TIAM1: variants seen among roughly 807,000 people sequenced by gnomAD.
TIAM1 encodes the protein rho guanine nucleotide exchange factor TIAM1.
TIAM1 carries 65 observed loss-of-function variants against 163.5 expected under a neutral mutation model. The observed-to-expected ratio is 0.40, with a 90% CI of 0.33 to 0.49. The LOEUF is 0.49. Ranked by LOEUF, TIAM1 falls within the 20% of genes least tolerant of loss-of-function variation. TIAM1 has a pLI of 0.77. For synonymous variants in TIAM1, 833 were observed against 810.1 expected (o/e 1.03, Z -0.48); for missense variants, 1,789 against 2,044.7 (o/e 0.87, Z 2.41).
chr21:31,481,693 G>A (rs1347650586), intron 1 of TIAM1, among the ~76,000 whole-genome samples: 1 of 152,130 alleles, frequency 6.6e-6, no homozygotes, highest in East Asian at 1.9e-4. Flanking sequence ...AAATGTTAGA[G>A]ATGCACAGGG....
chr21:31,252,508 C>T (rs2071869274), intron 4 of TIAM1, among the ~76,000 whole-genome samples: 1 of 152,168 alleles, frequency 6.6e-6, no homozygotes, highest in Non-Finnish European at 1.5e-5. Context: ...GGCAAATTCG[C>T]GATTGAGATT....
chr21:31,494,357 C>CA (rs2046571643), intron 1 of TIAM1, among the ~76,000 whole-genome samples: 1 of 152,190 alleles, frequency 6.6e-6, no homozygotes. Flanking sequence ...AAGATCAAGA[C>CA]AAACCCTCCC....
intron 1 of TIAM1, among the ~76,000 whole-genome samples, chr21:31,464,827 A>G (rs1233709263): frequency 1.4e-5 from 2 of 138,320 alleles, no homozygotes; most frequent in East Asian, 2.2e-4. Context: ...TGGGTGATAG[A>G]GCAAGCTTCC....
chr21:31,509,130 T>C (rs2047128834), intron 1 of TIAM1, among the ~76,000 whole-genome samples: 2 of 152,072 alleles, frequency 1.3e-5, no homozygotes, highest in Non-Finnish European at 2.9e-5. Context: ...CGTGCCTCCG[T>C]GGTGGAGATT....
intron 1 of TIAM1, among the ~76,000 whole-genome samples, chr21:31,489,401 G>A (rs1305622482): frequency 1.9e-5 from 2 of 105,084 alleles, no homozygotes; most frequent in Non-Finnish European, 3.9e-5. Context: ...AGGGAGGGGA[G>A]GGGGAGGGAA....
chr21:31,141,480 G>A lies in TIAM1; in HGVS notation c.3500C>T (p.Ala1167Val). The change falls in exon 21 of 28, where the codon GCA (alanine) becomes GTA (valine). Residue 1167 changes from alanine (A) to valine (V), a missense_variant. Physicochemically the swap from Ala to Val is moderately conservative, Grantham distance 64 (BLOSUM62 0). This residue lies in a region of TIAM1 where 60 missense variants were observed against 132.6 expected (regional missense o/e 0.45). Coordinates refer to ENST00000541036, the MANE Select transcript of TIAM1 (RefSeq NM_001353694.2). The surrounding 1 kb of genome is among the most constrained non-coding windows in gnomAD (Gnocchi z 4.7). Reference sequence around the variant, plus strand: ...CTTCGGGTTCTGGGCATCCAAGAATGCCTTGAAAGCCGTGTCTGTCTTGGC... The same window carrying A: ...CTTCGGGTTCTGGGCATCCAAGAATACCTTGAAAGCCGTGTCTGTCTTGGC... ...VKAKTDTAFK[A>V]FLDAQNPKQQ... 6.2e-7 allele frequency: 1 copy of A among 1,614,142 alleles called. No individual in the cohort carries two copies. The highest frequency in any genetic ancestry group is 8.5e-7 in the Non-Finnish European group (1 of 1,180,036).
At chr21:31,200,072 C>T (rs2086114956) in intron 12 of TIAM1, among the ~76,000 whole-genome samples, 1 of 152,108 alleles carries the variant, frequency 6.6e-6, no homozygotes, top group Non-Finnish European at 1.5e-5. Flanking sequence ...TTACTTGTTT[C>T]TGCAAACTTG....
chr21:31,372,690 G>T (rs2076615936), intron 2 of TIAM1, among the ~76,000 whole-genome samples: 1 of 152,160 alleles, frequency 6.6e-6, no homozygotes, highest in Non-Finnish European at 1.5e-5. Flanking sequence ...TACAAAACTG[G>T]CTGGGTAGGT....
At chr21:31,477,571 T>C (rs1003005645) in intron 1 of TIAM1, among the ~76,000 whole-genome samples, 4 of 149,002 alleles carry the variant, frequency 2.7e-5, no homozygotes, top group African/African-American at 9.9e-5. Context: ...ACTTCCCAGG[T>C]TCAAGCAATT....
At chr21:31,536,280 T>A (rs11700615) in intron 1 of TIAM1, among the ~76,000 whole-genome samples, 20,402 of 152,276 alleles carry the variant, frequency 0.13, 1,664 homozygotes, top group Non-Finnish European at 0.18. Flanking sequence ...ATTCTATTCA[T>A]AAGTGGCTAA....
chr21:31,194,702 T>C (rs924256676), intron 13 of TIAM1, among the ~76,000 whole-genome samples: 2 of 152,234 alleles, frequency 1.3e-5, no homozygotes, highest in African/African-American at 2.4e-5. Context: ...GATTCCGGTC[T>C]ACCTGAGTCA....
chr21:31,467,671 T>A (rs923741575), intron 1 of TIAM1, among the ~76,000 whole-genome samples: 2 of 150,310 alleles, frequency 1.3e-5, no homozygotes, highest in Non-Finnish European at 3.0e-5. Context: ...AATAAATAAA[T>A]AAAATTAGCC....
In TIAM1 at chr21:31,267,985, G is replaced by C. The variant is rs181088537; in HGVS notation, c.-11-1002C>G. Among the ~76,000 whole-genome samples the C allele has an allele frequency of 2.5e-3, 384 of 152,312 alleles. 2 individuals carry two copies. Among genetic ancestry groups the C allele is most frequent in the African/African-American group, 8.9e-3 (368 of 41,560 alleles). On this transcript the variant is annotated intron_variant, in intron 3 of 27. Transcript: ENST00000541036. Reference sequence around the variant, plus strand: ...CAATTCTGTTACCCACAGTGGGAAAGAGAAAAATCTTCAAAGCTCGACAAC... The same window carrying C: ...CAATTCTGTTACCCACAGTGGGAAACAGAAAAATCTTCAAAGCTCGACAAC...
At chr21:31,513,180 T>C (rs2047269888) in intron 1 of TIAM1, among the ~76,000 whole-genome samples, 1 of 152,194 alleles carries the variant, frequency 6.6e-6, no homozygotes, top group Non-Finnish European at 1.5e-5. Context: ...GTTCCATACA[T>C]ATACACGTAC....
intron 4 of TIAM1, among the ~76,000 whole-genome samples, chr21:31,263,937 C>T (rs1252311707): frequency 6.6e-6 from 1 of 152,176 alleles, no homozygotes; most frequent in Non-Finnish European, 1.5e-5. Flanking sequence ...ATTGACAGTG[C>T]AGAAGTAGCC....
chr21:31,308,463 G>T (rs1023095571), intron 2 of TIAM1, among the ~76,000 whole-genome samples: 2 of 149,378 alleles, frequency 1.3e-5, no homozygotes, highest in Admixed American at 6.7e-5. Context: ...ACTAATATAT[G>T]GTTTATATTA....
rs372530419 is a variant in TIAM1, at chr21:31,242,128, G to A, written c.1584+3360C>T. 3.2e-4 allele frequency among the ~76,000 whole-genome samples: 48 copies of A among 152,252 alleles called. 1 individual carries two copies. In the South Asian group the frequency reaches 7.5e-3, roughly 24 times the overall value. ...AAGATTTCAAGCAACTATTTTGAAC[G>A]TATTCAAAGAACTAAAATAAACCAT... On this transcript the variant is annotated intron_variant, in intron 6 of 27. Transcript: ENST00000541036.
chr21:31,474,638 C>G (rs913588390), intron 1 of TIAM1, among the ~76,000 whole-genome samples: 9 of 151,676 alleles, frequency 5.9e-5, no homozygotes, highest in Non-Finnish European at 8.8e-5. Flanking sequence ...CTCCGCCTCC[C>G]GGGTTCAAGC....
intron 4 of TIAM1, among the ~76,000 whole-genome samples, chr21:31,255,447 C>G (rs191241961): frequency 6.6e-6 from 1 of 152,106 alleles, no homozygotes; most frequent in Non-Finnish European, 1.5e-5. Context: ...TACTCAACAC[C>G]GCTCTTTCTT....
Sources: allele counts gnomAD v4.1 joint callset (sites outside exome capture counted in the v4.1 genomes callset), GRCh38; gene constraint gnomAD v4.1.1; regional missense constraint gnomAD v4.1.1; non-coding constraint Gnocchi (gnomAD v3.1); transcripts MANE v1.5; gene names NCBI Gene and HGNC (gene_info 2026-07-23, HGNC 2026-07-21).